RALGAPA1: variants seen among roughly 807,000 people sequenced by gnomAD.
The protein encoded by RALGAPA1 is Ral GTPase activating protein catalytic subunit alpha 1, also known as ral GTPase-activating protein subunit alpha-1.
RALGAPA1 carries 52 observed loss-of-function variants against 269.6 expected under a neutral mutation model. That is an observed-to-expected ratio of 0.19 (90% CI 0.15 to 0.24). RALGAPA1 has a LOEUF of 0.24. Ranked by LOEUF, RALGAPA1 falls within the 10% of genes least tolerant of loss-of-function variation. The pLI is 1.00. For missense variants in RALGAPA1, 1,917 were observed against 3,013.9 expected (o/e 0.64, Z 8.52); for synonymous variants, 817 against 1,008.3 (o/e 0.81, Z 3.60).
chr14:35,605,452 G>T, intron 36 of RALGAPA1, 134 bp downstream of exon 36: 1 of 901,582 alleles, frequency 1.1e-6, no homozygotes, highest in Non-Finnish European at 1.6e-6. Context: ...AAAATGGAAG[G>T]CAGAAACAAT....
chr14:35,547,875 T>G (rs1594512417), intron 41 of RALGAPA1, among the ~76,000 whole-genome samples: 1 of 152,250 alleles, frequency 6.6e-6, no homozygotes, highest in Non-Finnish European at 1.5e-5. Context: ...GAATGGAAAC[T>G]TTAATTTCAC....
At chr14:35,762,190 T>C (rs1165753827) in intron 5 of RALGAPA1, among the ~76,000 whole-genome samples, 1 of 152,162 alleles carries the variant, frequency 6.6e-6, no homozygotes, top group African/African-American at 2.4e-5. Context: ...AGTACAACAG[T>C]TTTTTCAATG....
At chr14:35,724,790 C>T (rs2069735889) in intron 14 of RALGAPA1, among the ~76,000 whole-genome samples, 1 of 152,112 alleles carries the variant, frequency 6.6e-6, no homozygotes, top group African/African-American at 2.4e-5. Flanking sequence ...CCTGATATTA[C>T]CTCCACTCTT....
In RALGAPA1 at chr14:35,694,173, A is replaced by G. The variant is rs144718183; in HGVS notation, c.2408-4170T>C. Among the ~76,000 whole-genome samples, 18 of 152,282 alleles carry G rather than the reference A, an allele frequency of 1.2e-4. 1 individual carries two copies. Among genetic ancestry groups the G allele is most frequent in the African/African-American group, 3.8e-4 (16 of 41,586 alleles). On this transcript the variant is annotated intron_variant, in intron 17 of 41. Transcript: ENST00000680220. ...TCAGTTAAAATACTAACATATCACT[A>G]GAAATTTTAATAATTTCTGAAATGA...
At chr14:35,676,908 G>C (rs1168002545) in intron 22 of RALGAPA1, 1 of 152,166 alleles carries the variant, frequency 6.6e-6, no homozygotes, top group East Asian at 1.9e-4. Flanking sequence ...TTCTATAACT[G>C]AAGTTTTTTT....
intron 12 of RALGAPA1, among the ~76,000 whole-genome samples, chr14:35,728,801 C>T (rs904759164): frequency 6.7e-5 from 10 of 149,706 alleles, no homozygotes; most frequent in Non-Finnish European, 1.0e-4. Flanking sequence ...GGTATGATTT[C>T]GGCTCACTGC....
intron 18 of RALGAPA1, among the ~76,000 whole-genome samples, chr14:35,686,913 C>T (rs950575513): frequency 8.5e-5 from 13 of 152,174 alleles, no homozygotes; most frequent in African/African-American, 3.1e-4. Context: ...TATAGATAAG[C>T]ACTAGCTGAA....
intron 22 of RALGAPA1, among the ~76,000 whole-genome samples, chr14:35,675,070 A>C (rs1426492695): frequency 1.3e-5 from 2 of 152,190 alleles, no homozygotes; most frequent in African/African-American, 2.4e-5. Flanking sequence ...TTATATCATC[A>C]AATTAATGGA....
chr14:35,752,237 C>T (rs535621246), intron 7 of RALGAPA1, 75 bp from the exon 8 acceptor site: 3 of 1,379,452 alleles, frequency 2.2e-6, no homozygotes, highest in South Asian at 1.6e-5. Context: ...CAATTATAAA[C>T]AAGCTTGTAA....
rs148027276 is a variant in RALGAPA1, at chr14:35,725,135, C to T, written c.1755G>A (p.Val585=). The T allele has an allele frequency of 1.2e-5, 19 of 1,578,762 alleles. No individual in the cohort carries two copies. The Middle Eastern group carries it at 5.0e-4, about 42-fold the overall frequency. The change falls in exon 14 of 42, where the codon GTG becomes GTA. Residue 585 remains valine, a synonymous_variant. Transcript: ENST00000680220. ...GTACAGATTCCGTGACTCTGAGCAA[C>T]ACAAGCAGCATCTGTTCCCTTAAAA... is the stretch of plus-strand genomic sequence containing the variant. ...DKKTWEQMLL[V]LLRVTESVLK... is the part of the protein sequence containing the mutation.
chr14:35,729,260 A>C (rs1337396901), intron 12 of RALGAPA1, among the ~76,000 whole-genome samples: 2 of 152,186 alleles, frequency 1.3e-5, no homozygotes, highest in African/African-American at 2.4e-5. Flanking sequence ...ACTATATCCC[A>C]TCAAAATATT....
At chr14:35,729,004 C>A (rs748698672) in intron 12 of RALGAPA1, among the ~76,000 whole-genome samples, 3 of 151,778 alleles carry the variant, frequency 2.0e-5, no homozygotes, top group African/African-American at 4.8e-5. Flanking sequence ...CAAATTGCTG[C>A]GATTACAGGT....
At chr14:35,699,939 T>C (rs960682976) in intron 17 of RALGAPA1, among the ~76,000 whole-genome samples, 3 of 147,862 alleles carry the variant, frequency 2.0e-5, no homozygotes, top group South Asian at 2.1e-4. Context: ...CAAAAAATAC[T>C]GGACATTGGC....
chr14:35,704,828 A>G (rs1488113807), intron 16 of RALGAPA1, among the ~76,000 whole-genome samples: 1 of 152,142 alleles, frequency 6.6e-6, no homozygotes, highest in Non-Finnish European at 1.5e-5. Flanking sequence ...ATAATTCATA[A>G]AAGAGAAATG....
chr14:35,782,751 CAT>C (rs1166037892), intron 1 of RALGAPA1, among the ~76,000 whole-genome samples: 1 of 152,012 alleles, frequency 6.6e-6, no homozygotes, highest in Non-Finnish European at 1.5e-5. Context: ...AAAATCCTAA[CAT>C]AGTTTTTTGC....
At chr14:35,789,440 A>C (rs191534580) in intron 1 of RALGAPA1, among the ~76,000 whole-genome samples, 1 of 152,146 alleles carries the variant, frequency 6.6e-6, no homozygotes, top group East Asian at 1.9e-4. Context: ...CTAAAAATAC[A>C]AAATAGTCAG....
Position 35,689,079 on chromosome 14 carries a change from C to A in RALGAPA1, c.3332G>T (p.Arg1111Leu). ...AGTACTTGTAACATGAGGCATTCTG[C>A]GGTTAACAGGTGCTTTTAGTGTTGC... ...KKATLKAPVN[R>L]RMPHVTSTSK... The change falls in exon 18 of 42, where the codon CGC becomes CTC. Residue 1111 changes from arginine to leucine, a missense_variant. Physicochemically the swap from Arg to Leu is moderately radical, Grantham distance 102. This residue lies in a region of RALGAPA1 where 615 missense variants were observed against 790.0 expected (regional missense o/e 0.78). Coordinates refer to ENST00000680220, the MANE Select transcript of RALGAPA1 (RefSeq NM_001346249.2). 3.2e-6 allele frequency: 4 copies of A among 1,236,432 alleles called. No individual in the cohort carries two copies. Among genetic ancestry groups the A allele is most frequent in the Non-Finnish European group, 4.0e-6 (4 of 990,456 alleles). The allele number at this position is 1,236,432 out of a possible 1,614,324, so 76.6% of individuals were successfully genotyped here. A position where few individuals can be genotyped will look rare whatever the true frequency, so the allele number is the denominator to read the frequency against.
intron 21 of RALGAPA1, among the ~76,000 whole-genome samples, chr14:35,678,668 T>A (rs1311188825): frequency 6.6e-6 from 1 of 152,150 alleles, no homozygotes; most frequent in Non-Finnish European, 1.5e-5. Context: ...AAGCCCTAAC[T>A]TCCTAGTATG....
chr14:35,612,669 G>A (rs1438037390), intron 35 of RALGAPA1, among the ~76,000 whole-genome samples: 1 of 151,676 alleles, frequency 6.6e-6, no homozygotes, highest in Non-Finnish European at 1.5e-5. Context: ...CTCCTGAGTG[G>A]CTGGGACTAC....
Sources: allele counts gnomAD v4.1 joint callset (sites outside exome capture counted in the v4.1 genomes callset), GRCh38; gene constraint gnomAD v4.1.1; regional missense constraint gnomAD v4.1.1; transcripts MANE v1.5; gene names NCBI Gene and HGNC (gene_info 2026-07-23, HGNC 2026-07-21).